Variants in METTL15 observed in about 807,000 individuals in gnomAD.
METTL15 encodes the protein 12S rRNA N(4)-cytidine methyltransferase METTL15.
Under a neutral mutation model 38.3 loss-of-function variants are expected in METTL15, and 34 were observed. The ratio of observed to expected loss-of-function variants is 0.89; its 90% CI spans 0.68 to 1.18. The LOEUF (loss-of-function observed/expected upper bound fraction) is 1.18. Among genes scored for constraint, METTL15 ranks in the 50% most tolerant of loss-of-function variants. The pLI is 0.00. For synonymous variants in METTL15, 162 were observed against 170.9 expected (o/e 0.95, Z 0.41); for missense variants, 438 against 498.4 (o/e 0.88, Z 1.15).
intron 4 of METTL15, among the ~76,000 whole-genome samples, chr11:28,359,086 C>A (rs1242393133): frequency 6.6e-6 from 1 of 152,118 alleles, no homozygotes; most frequent in East Asian, 1.9e-4. Context: ...CCTCTTCACC[C>A]TCTCCCTACT....
intron 3 of METTL15, among the ~76,000 whole-genome samples, chr11:28,165,366 A>T (rs949150215): frequency 2.6e-5 from 4 of 152,152 alleles, no homozygotes; most frequent in African/African-American, 9.6e-5. Context: ...TCTTCTTGTT[A>T]ATAGCCATTC....
chr11:28,242,220 GTATT>G (rs752883101), intron 4 of METTL15, among the ~76,000 whole-genome samples: 33 of 152,122 alleles, frequency 2.2e-4, no homozygotes, highest in Non-Finnish European at 2.5e-4. Flanking sequence ...TCATTATTAA[GTATT>G]CATTCATGTT....
At position 28,118,689 on chromosome 11, in the gene METTL15, C is replaced by T. The variant is rs1206255815; in HGVS notation, c.270+5085C>T. On this transcript the variant is annotated intron_variant, in intron 3 of 6. Transcript: ENST00000407364. Reference sequence around the variant, plus strand: ...GTAGTAGTGCTAATTTAGCTTGGTGCCTTGGGGCTTCTTTGAGTGTTATTA... The same window carrying T: ...GTAGTAGTGCTAATTTAGCTTGGTGTCTTGGGGCTTCTTTGAGTGTTATTA... Among the ~76,000 whole-genome samples, 4 of 152,066 alleles carry T rather than the reference C, an allele frequency of 2.6e-5. No homozygotes were observed. In the East Asian group the frequency reaches 7.7e-4, roughly 29 times the overall value.
At chr11:28,299,818 G>A (rs1234027483) in intron 6 of METTL15, among the ~76,000 whole-genome samples, 1 of 152,084 alleles carries the variant, frequency 6.6e-6, no homozygotes, top group Non-Finnish European at 1.5e-5. Context: ...ATGTTAGAAG[G>A]GAGCTAGAGG....
At chr11:28,528,714 C>T (rs931317953), downstream of METTL15, among the ~76,000 whole-genome samples, 1 of 152,042 alleles carries the variant, frequency 6.6e-6, no homozygotes, top group Non-Finnish European at 1.5e-5. Flanking sequence ...CTTATTTTTT[C>T]CTTATTTGTG....
chr11:28,254,757 G>C (rs1439753777), intron 4 of METTL15, among the ~76,000 whole-genome samples: 1 of 151,990 alleles, frequency 6.6e-6, no homozygotes. Flanking sequence ...TATATTTCTT[G>C]GAAACTTTGT....
At chr11:28,319,079 C>T (rs1327572093) in intron 6 of METTL15, among the ~76,000 whole-genome samples, 1 of 152,174 alleles carries the variant, frequency 6.6e-6, no homozygotes, top group Non-Finnish European at 1.5e-5. Flanking sequence ...TTAGGCCTGA[C>T]AATGCACATC....
chr11:28,291,995 A>T (rs1415268063), intron 5 of METTL15, among the ~76,000 whole-genome samples: 1 of 152,116 alleles, frequency 6.6e-6, no homozygotes, highest in Non-Finnish European at 1.5e-5. Context: ...TTTCAGGTAG[A>T]TGGTATAGAC....
chr11:28,235,886 G>A (rs1409194993), intron 4 of METTL15, among the ~76,000 whole-genome samples: 2 of 152,102 alleles, frequency 1.3e-5, no homozygotes, highest in Non-Finnish European at 2.9e-5. Flanking sequence ...TCTTGTGCCA[G>A]TTTTCAAAGG....
chr11:28,152,886 G>A (rs1336176519), intron 3 of METTL15, among the ~76,000 whole-genome samples: 1 of 151,984 alleles, frequency 6.6e-6, no homozygotes, highest in East Asian at 1.9e-4. Flanking sequence ...GATTATTCAT[G>A]AGTTTTCTGG....
intron 6 of METTL15, among the ~76,000 whole-genome samples, chr11:28,492,240 C>T (rs1851500940): frequency 6.6e-6 from 1 of 152,160 alleles, no homozygotes; most frequent in Non-Finnish European, 1.5e-5. Flanking sequence ...TTCTAGCTTT[C>T]TAGAAGCAAA....
intron 3 of METTL15, among the ~76,000 whole-genome samples, chr11:28,166,759 G>A (rs1007271036): frequency 1.3e-5 from 2 of 152,048 alleles, no homozygotes; most frequent in Admixed American, 6.6e-5. Context: ...AGACCAGCCC[G>A]GCCAACATGG....
chr11:28,333,400 T>C lies in METTL15; in HGVS notation c.*2559T>C, dbSNP rs1849868281. 6.6e-6 allele frequency: 1 copy of C among 152,200 alleles called. No individual in the cohort carries two copies. Among genetic ancestry groups the C allele is most frequent in the African/African-American group, 2.4e-5 (1 of 41,450 alleles). The allele number at this position is 152,200 out of a possible 1,614,324, so 9.4% of individuals were successfully genotyped here. A position where few individuals can be genotyped will look rare whatever the true frequency, so the allele number is the denominator to read the frequency against. ...ATAAAATACATGAATGAGTTTTAAA[T>C]GGTTAGCTTTGGAGAATGGTTTTGG... On this transcript the variant is annotated 3_prime_UTR_variant, in exon 7 of 7. Transcript: ENST00000407364.
chr11:28,207,999 A>T (rs1465932451), intron 3 of METTL15, among the ~76,000 whole-genome samples: 4 of 150,902 alleles, frequency 2.7e-5, no homozygotes, highest in East Asian at 2.0e-4. Context: ...TTCTTCTCTC[A>T]TTTCTTCTTT....
intron 6 of METTL15, among the ~76,000 whole-genome samples, chr11:28,472,053 C>T (rs913360581): frequency 1.3e-5 from 2 of 152,030 alleles, no homozygotes; most frequent in African/African-American, 4.8e-5. Context: ...CACAGGTTTG[C>T]AATAGAAACT....
intron 5 of METTL15, among the ~76,000 whole-genome samples, chr11:28,375,969 G>T (rs1850306468): frequency 6.6e-6 from 1 of 152,092 alleles, no homozygotes; most frequent in African/African-American, 2.4e-5. Context: ...CCATGTAGTT[G>T]AGTGGTTTTG....
intron 5 of METTL15, among the ~76,000 whole-genome samples, chr11:28,372,626 T>A (rs549002238): frequency 1.1e-4 from 17 of 151,990 alleles, no homozygotes; most frequent in African/African-American, 3.9e-4. Flanking sequence ...TTTCCTTTTT[T>A]TTATTATTAT....
At chr11:28,529,011 T>G (rs751274140), downstream of METTL15, among the ~76,000 whole-genome samples, 7 of 152,294 alleles carry the variant, frequency 4.6e-5, no homozygotes, top group South Asian at 1.2e-3. Context: ...GTGTAATGGC[T>G]TAAATTTAGC....
intron 1 of METTL15, among the ~76,000 whole-genome samples, chr11:28,109,498 G>A (rs774209611): frequency 1.3e-5 from 2 of 152,108 alleles, no homozygotes; most frequent in African/African-American, 2.4e-5. Context: ...ATTTTTCTGA[G>A]AGAAAACTGA....
Sources: allele counts gnomAD v4.1 joint callset (sites outside exome capture counted in the v4.1 genomes callset), GRCh38; gene constraint gnomAD v4.1.1; transcripts MANE v1.5; gene names NCBI Gene and HGNC (gene_info 2026-07-23, HGNC 2026-07-21).